PLCG2: variants seen among roughly 807,000 people sequenced by gnomAD.
The protein encoded by PLCG2 is 1-phosphatidylinositol 4,5-bisphosphate phosphodiesterase gamma-2.
Under a neutral mutation model 175.6 loss-of-function variants are expected in PLCG2, and 69 were observed. That is an observed-to-expected ratio of 0.39 (90% confidence interval 0.32 to 0.48). PLCG2 has a LOEUF of 0.48. Ranked by LOEUF, PLCG2 falls within the 20% of genes least tolerant of loss-of-function variation. The pLI is 0.91. For missense variants in PLCG2, 1,798 were observed against 1,650.9 expected (o/e 1.09, Z -1.54); for synonymous variants, 827 against 624.0 (o/e 1.33, Z -4.85).
At chr16:81,880,055 C>A (rs1034841394) in intron 7 of PLCG2, among the ~76,000 whole-genome samples, 3 of 152,160 alleles carry the variant, frequency 2.0e-5, no homozygotes, top group Non-Finnish European at 4.4e-5. Flanking sequence ...TCCTGGGCAA[C>A]ATAGTAAGAC....
intron 2 of PLCG2, among the ~76,000 whole-genome samples, chr16:81,850,492 A>C (rs1448452669): frequency 6.6e-6 from 1 of 152,202 alleles, no homozygotes; most frequent in Non-Finnish European, 1.5e-5. Flanking sequence ...TCCATCTTTT[A>C]CTGACCGTGC....
At chr16:81,933,617 C>T (rs1266682769) in intron 25 of PLCG2, among the ~76,000 whole-genome samples, 1 of 151,486 alleles carries the variant, frequency 6.6e-6, no homozygotes, top group Non-Finnish European at 1.5e-5. Flanking sequence ...GTTGCCCAGG[C>T]TACTCAACTT....
At chr16:81,859,072 A>T (rs369094411) in intron 4 of PLCG2, 44 bp from the exon 5 acceptor site, 399 of 1,242,468 alleles carry the variant, frequency 3.2e-4, no homozygotes, top group South Asian at 4.8e-4. Flanking sequence ...GCTATTTTCT[A>T]ATTTTCTCTT....
intron 2 of PLCG2, among the ~76,000 whole-genome samples, chr16:81,762,270 T>C (rs1268780641): frequency 6.6e-6 from 1 of 152,130 alleles, no homozygotes; most frequent in Non-Finnish European, 1.5e-5. Flanking sequence ...AAAAAGAAAC[T>C]GTCAACTGTT....
chr16:81,776,083 C>CTTTCTTTCTTTCTTTCTTTCTTTCT, upstream of PLCG2, among the ~76,000 whole-genome samples: 1 of 81,848 alleles, frequency 1.2e-5, no homozygotes. Context: ...TTCTCTCTCT[C>CTTTCTTTCTTTCTTTCTTTCTTTCT]TCTCTCTTTC....
rs746172717 is a variant in PLCG2 at position 81,927,129 on chromosome 16, A to G, written c.2465A>G (p.Asn822Ser). The G allele has an allele frequency of 6.2e-6, 10 of 1,613,938 alleles. No individual in the cohort carries two copies. Among genetic ancestry groups the G allele is most frequent in the East Asian group, 2.2e-5 (1 of 44,892 alleles). ...GTRIQQYFPS[N>S]YVEDISTADF... ...AGGATCCAGCAGTACTTCCCATCCA[A>G]CTACGTCGAGGACATCTCAACTGCA... The change falls in exon 23 of 33, where the codon AAC becomes AGC. Residue 822 changes from asparagine to serine, a missense_variant. Asn to Ser is a conservative substitution (Grantham distance 46, BLOSUM62 1). Transcript: ENST00000564138.
intron 31 of PLCG2, among the ~76,000 whole-genome samples, chr16:81,948,749 C>A (rs1036713917): frequency 6.6e-6 from 1 of 152,168 alleles, no homozygotes; most frequent in Admixed American, 6.5e-5. Flanking sequence ...GGTCAGTTTG[C>A]CTAATGCTGG....
At chr16:81,879,634 T>G (rs2143563552) in intron 7 of PLCG2, among the ~76,000 whole-genome samples, 1 of 152,310 alleles carries the variant, frequency 6.6e-6, no homozygotes, top group South Asian at 2.1e-4. Flanking sequence ...ATGTTTTATG[T>G]CGTTAGCATT....
chr16:81,757,253 A>G (rs891618747), intron 2 of PLCG2, among the ~76,000 whole-genome samples: 13 of 151,694 alleles, frequency 8.6e-5, no homozygotes, highest in African/African-American at 3.2e-4. Context: ...CCACCCACCC[A>G]TTTTCTGGGC....
At chr16:81,882,549 G>C (rs750437584) in intron 8 of PLCG2, among the ~76,000 whole-genome samples, 1 of 152,010 alleles carries the variant, frequency 6.6e-6, no homozygotes, top group Non-Finnish European at 1.5e-5. Flanking sequence ...AGCCCTGTCT[G>C]GGTATTGGAT....
At position 81,836,049 on chromosome 16, in the gene PLCG2, A is replaced by T. The variant is rs148117859; in HGVS notation, c.194-18395A>T. On this transcript the variant is annotated intron_variant, in intron 2 of 32. Coordinates refer to ENST00000564138, the MANE Select transcript of PLCG2 (RefSeq NM_002661.5). The stretch of plus-strand genomic sequence containing the variant: ...CATACCAGGGACTGGACTTCTATGT[A>T]TGTTTTTGGGGGATGCAGTTCAACC... 4.6e-5 allele frequency among the ~76,000 whole-genome samples: 7 copies of T among 152,296 alleles called. No individual in the cohort carries two copies. In the East Asian group the frequency reaches 1.3e-3, roughly 29 times the overall value.
Position 81,920,736 on chromosome 16 carries a change from A to T in PLCG2, c.2236-462A>T, listed in dbSNP as rs148557181. Reference sequence around the variant, plus strand: ...TCAGTGGTGTGCTAGTAAATGTTCAAACAGCTCTCAGCGGGGTAGGGGGAA... The same window carrying T: ...TCAGTGGTGTGCTAGTAAATGTTCATACAGCTCTCAGCGGGGTAGGGGGAA... On this transcript the variant is annotated intron_variant, in intron 20 of 32. Coordinates refer to ENST00000564138, the MANE Select transcript of PLCG2 (RefSeq NM_002661.5). Among the ~76,000 whole-genome samples the T allele has an allele frequency of 3.4e-5, 3 of 87,358 alleles. No individual in the cohort carries two copies. In the South Asian group the frequency reaches 1.5e-3, roughly 43 times the overall value. 57.3% of individuals were successfully genotyped at this position (87,358 alleles called of 152,430 possible).
At chr16:81,753,342 G>GTTTTTTTTTTTTTTTTTTTTTTTT in intron 1 of PLCG2, among the ~76,000 whole-genome samples, 1 of 91,124 alleles carries the variant, frequency 1.1e-5, no homozygotes, top group Non-Finnish European at 2.1e-5. Context: ...GTCCTGGCAG[G>GTTTTTTTTTTTTTTTTTTTTTTTT]TTTTTTTTTT....
chr16:81,744,801 A>T (rs537671347), intron 1 of PLCG2, among the ~76,000 whole-genome samples: 1 of 151,522 alleles, frequency 6.6e-6, no homozygotes, highest in Non-Finnish European at 1.5e-5. Flanking sequence ...CCTGGACTCA[A>T]ACAATTCTTC....
chr16:81,893,593 T>G, intron 11 of PLCG2, 116 bp from the exon 12 acceptor site: 2 of 694,440 alleles, frequency 2.9e-6, no homozygotes, highest in Non-Finnish European at 5.1e-6. Context: ...ATGGAAGAAC[T>G]CAGAGCTTTG....
chr16:81,885,868 C>T (rs1231116653), intron 9 of PLCG2, among the ~76,000 whole-genome samples: 2 of 152,150 alleles, frequency 1.3e-5, no homozygotes, highest in African/African-American at 2.4e-5. Context: ...ATCATCATGC[C>T]TTCCTAGTGC....
intron 1 of PLCG2, among the ~76,000 whole-genome samples, chr16:81,754,627 C>G (rs972151200): frequency 2.0e-5 from 3 of 150,800 alleles, no homozygotes; most frequent in African/African-American, 4.9e-5. Context: ...GTGCTCAATA[C>G]TTGCTTTAGT....
Position 81,934,433 on chromosome 16 carries a change from A to C in PLCG2, c.2744A>C (p.Asn915Thr). 6.2e-7 allele frequency: 1 copy of C among 1,608,204 alleles called. No homozygotes were observed. The highest frequency in any genetic ancestry group is 1.1e-5 in the South Asian group (1 of 90,882). The change falls in exon 26 of 33, where the codon AAC becomes ACC. Residue 915 changes from asparagine (N) to threonine (T), a missense_variant. Coordinates refer to ENST00000564138, the MANE Select transcript of PLCG2 (RefSeq NM_002661.5). ...EITWKIDTKE[N>T]NMKYWEKNQS... is the part of the protein sequence containing the mutation. ...AAGACAGTGAACTCCAAACAGGAGA[A>C]CAACATGAAGTACTGGGAGAAGAAC...
chr16:81,823,947 C>G (rs1904922850), intron 2 of PLCG2, among the ~76,000 whole-genome samples: 1 of 146,442 alleles, frequency 6.8e-6, no homozygotes, highest in Non-Finnish European at 1.5e-5. Flanking sequence ...TCCCTTCCTC[C>G]TTTCCCTTTC....
Sources: allele counts gnomAD v4.1 joint callset (sites outside exome capture counted in the v4.1 genomes callset), GRCh38; gene constraint gnomAD v4.1.1; transcripts MANE v1.5; gene names NCBI Gene and HGNC (gene_info 2026-07-23, HGNC 2026-07-21).